Variants in CADPS observed in about 807,000 individuals in gnomAD.
The protein encoded by CADPS is calcium dependent secretion activator, also known as calcium-dependent secretion activator 1.
CADPS carries 57 observed loss-of-function variants against 167.3 expected under a neutral mutation model. The observed-to-expected ratio is 0.34, with a 90% CI of 0.28 to 0.42. CADPS has a LOEUF of 0.42. CADPS is among the 20% of genes least tolerant of loss of function. The probability of loss-of-function intolerance (pLI) is 1.00; values close to 1 mark genes in which losing one functional copy is unlikely to be tolerated. For missense variants in CADPS, 1,414 were observed against 1,738.1 expected, an observed-to-expected ratio of 0.81 and a Z score of 3.32; for synonymous variants, 676 against 635.3, an observed-to-expected ratio of 1.06 and a Z score of -0.96.
chr3:62,795,209 T>C (rs2093318305), intron 1 of CADPS, among the ~76,000 whole-genome samples: 1 of 152,140 alleles, frequency 6.6e-6, no homozygotes, highest in South Asian at 2.1e-4. Flanking sequence ...TCCCACCAGC[T>C]CTTGGCAAAA....
intron 1 of CADPS, among the ~76,000 whole-genome samples, chr3:62,783,721 C>A (rs2092055645): frequency 6.6e-6 from 1 of 152,146 alleles, no homozygotes; most frequent in Non-Finnish European, 1.5e-5. Flanking sequence ...GGTTAAATAA[C>A]AATTTTGTCT....
intron 29 of CADPS, among the ~76,000 whole-genome samples, chr3:62,401,577 G>A (rs1260074591): frequency 6.6e-6 from 1 of 152,222 alleles, no homozygotes; most frequent in African/African-American, 2.4e-5. Flanking sequence ...CCTGGAGGAG[G>A]AGGCCTCTGG....
At chr3:62,731,424 A>G (rs1461820096) in intron 3 of CADPS, among the ~76,000 whole-genome samples, 3 of 152,164 alleles carry the variant, frequency 2.0e-5, no homozygotes, top group Non-Finnish European at 4.4e-5. Context: ...AAAAATCTCA[A>G]ATTCAGTATC....
At position 62,532,948 on chromosome 3, in the gene CADPS, T is replaced by TG. The variant is rs1324499369; in HGVS notation, c.2213dup (p.Glu739ArgfsTer28). 1 of 1,613,842 alleles carries TG rather than the reference T, an allele frequency of 6.2e-7. No homozygotes were observed. ...TGGGGTCGATCATGGCGCCATTTTC[T>TG]GCCCGTTCAAGCAAGTCTCTGAGGT... On this transcript the variant is annotated frameshift_variant, in exon 13 of 30. Transcript: ENST00000383710. LOFTEE classifies it high-confidence loss of function.
At chr3:62,462,549 G>A (rs1012268410) in intron 26 of CADPS, among the ~76,000 whole-genome samples, 4 of 152,240 alleles carry the variant, frequency 2.6e-5, no homozygotes, top group Non-Finnish European at 5.9e-5. Context: ...CTGGGGGGCA[G>A]AGCACATGGC....
At chr3:62,662,763 T>A (rs2073568498) in intron 3 of CADPS, among the ~76,000 whole-genome samples, 3 of 152,256 alleles carry the variant, frequency 2.0e-5, no homozygotes, top group Admixed American at 6.5e-5. Context: ...CTATTAGAAA[T>A]GTCAGGAGCA....
intron 3 of CADPS, among the ~76,000 whole-genome samples, chr3:62,715,567 T>C (rs2084358977): frequency 6.6e-6 from 1 of 151,102 alleles, no homozygotes; most frequent in Admixed American, 6.6e-5. Context: ...TCATAAATAC[T>C]ATAATACTTG....
chr3:62,593,097 C>A (rs7628123), intron 6 of CADPS, among the ~76,000 whole-genome samples: 8 of 152,220 alleles, frequency 5.3e-5, no homozygotes, highest in Non-Finnish European at 1.0e-4. Flanking sequence ...CTTTGACTTC[C>A]TCATTCATGG....
chr3:62,588,502 G>A (rs546246015), intron 7 of CADPS, among the ~76,000 whole-genome samples: 4 of 152,040 alleles, frequency 2.6e-5, no homozygotes, highest in Non-Finnish European at 5.9e-5. Flanking sequence ...AGGAAAACAG[G>A]CATTCTCTTA....
intron 24 of CADPS, chr3:62,473,714 C>A: frequency 6.8e-6 from 1 of 146,850 alleles, no homozygotes; most frequent in Non-Finnish European, 1.5e-5. Context: ...TTTGGAAATT[C>A]AGAACCTGCT....
intron 6 of CADPS, among the ~76,000 whole-genome samples, chr3:62,630,414 C>G (rs1451259389): frequency 1.3e-5 from 2 of 152,160 alleles, no homozygotes; most frequent in African/African-American, 2.4e-5. Context: ...GATCTCTGTT[C>G]ACTGCAACTC....
At chr3:62,488,022 A>G (rs1334651415) in intron 21 of CADPS, among the ~76,000 whole-genome samples, 1 of 152,218 alleles carries the variant, frequency 6.6e-6, no homozygotes, top group East Asian at 1.9e-4. Context: ...AAAGAAGAAG[A>G]ACAGAACTAC....
chr3:62,414,864 T>A (rs758230596), intron 28 of CADPS, among the ~76,000 whole-genome samples: 13 of 152,178 alleles, frequency 8.5e-5, no homozygotes, highest in Non-Finnish European at 1.8e-4. Context: ...CCTTGTCTAC[T>A]GGGGGATTGT....
chr3:62,776,975 A>T (rs1235236834), intron 1 of CADPS, among the ~76,000 whole-genome samples: 1 of 152,162 alleles, frequency 6.6e-6, no homozygotes, highest in African/African-American at 2.4e-5. Flanking sequence ...GTTACAATCT[A>T]GACCCTGCCG....
chr3:62,660,318 C>T (rs1329883929), intron 4 of CADPS, among the ~76,000 whole-genome samples: 4 of 152,124 alleles, frequency 2.6e-5, no homozygotes, highest in Non-Finnish European at 5.9e-5. Flanking sequence ...ACCAAATGAC[C>T]TCCATTTTCT....
At chr3:62,781,744 G>A (rs975385498) in intron 1 of CADPS, among the ~76,000 whole-genome samples, 1 of 152,102 alleles carries the variant, frequency 6.6e-6, no homozygotes, top group African/African-American at 2.4e-5. Context: ...TCAAAGCCAA[G>A]CAGACGGCAA....
intron 6 of CADPS, among the ~76,000 whole-genome samples, chr3:62,614,281 A>G (rs1012831446): frequency 6.6e-6 from 1 of 152,114 alleles, no homozygotes; most frequent in African/African-American, 2.4e-5. Context: ...TAATTTGACA[A>G]AAGTCACATG....
At chr3:62,832,774 C>CT (rs1429575011) in intron 1 of CADPS, among the ~76,000 whole-genome samples, 2 of 152,228 alleles carry the variant, frequency 1.3e-5, no homozygotes, top group Non-Finnish European at 2.9e-5. Flanking sequence ...GAGGCGTTGC[C>CT]TCACGTGATG....
Position 62,438,461 on chromosome 3 carries a change from T to G in CADPS, c.3670-250A>C. On this transcript the variant is annotated intron_variant, in intron 27 of 29. Coordinates refer to ENST00000383710, the MANE Select transcript of CADPS (RefSeq NM_003716.4). This position sits in a 1 kb window ranked among gnomAD's most constrained non-coding sequence, Gnocchi z 4.7. ...TGTAGGATTTTATAAATAGTTTTTC[T>G]ATGATAAATTTTTTCCTGGCAAATT... The G allele has an allele frequency of 4.8e-6, 2 of 417,672 alleles. No individual in the cohort carries two copies. Among genetic ancestry groups the G allele is most frequent in the Non-Finnish European group, 8.7e-6 (2 of 229,254 alleles). 25.9% of individuals were successfully genotyped at this position (417,672 alleles called of 1,614,324 possible).
Sources: allele counts gnomAD v4.1 joint callset (sites outside exome capture counted in the v4.1 genomes callset), GRCh38; gene constraint gnomAD v4.1.1; non-coding constraint Gnocchi (gnomAD v3.1); transcripts MANE v1.5; gene names NCBI Gene and HGNC (gene_info 2026-07-23, HGNC 2026-07-21).